Variants in FCHSD2 observed in about 807,000 individuals in gnomAD.
The protein encoded by FCHSD2 is F-BAR and double SH3 domains protein 2.
In FCHSD2, 38 loss-of-function variants were observed where a neutral mutation model predicts 108.1. The observed-to-expected ratio is 0.35, with a 90% CI of 0.27 to 0.46. FCHSD2 has a LOEUF of 0.46. Among genes scored for constraint, FCHSD2 ranks in the 20% least tolerant of loss-of-function variants. The probability of loss-of-function intolerance (pLI) is 1.00; values close to 1 mark genes in which losing one functional copy is unlikely to be tolerated. For synonymous variants in FCHSD2, 279 were observed against 314.7 expected (o/e 0.89, Z 1.20); for missense variants, 751 against 897.8 (o/e 0.84, Z 2.09).
At chr11:73,054,402 T>C (rs981152382) in intron 3 of FCHSD2, among the ~76,000 whole-genome samples, 2 of 152,026 alleles carry the variant, frequency 1.3e-5, no homozygotes, top group Non-Finnish European at 2.9e-5. Flanking sequence ...GAAATTTAAA[T>C]ACCATTTAGG....
chr11:72,899,735 T>TTAA (rs376398152), intron 10 of FCHSD2, among the ~76,000 whole-genome samples: 2 of 72,736 alleles, frequency 2.7e-5, no homozygotes, highest in African/African-American at 1.2e-4. Flanking sequence ...GACCCTATCT[T>TTAA]AAAAAAAAAA....
intron 5 of FCHSD2, among the ~76,000 whole-genome samples, chr11:73,000,165 G>A (rs1422595542): frequency 2.6e-5 from 4 of 152,130 alleles, no homozygotes; most frequent in Admixed American, 6.5e-5. Flanking sequence ...AAAGGTGTTT[G>A]TAAAAATGTT....
At chr11:73,068,189 A>G (rs926834850) in intron 3 of FCHSD2, among the ~76,000 whole-genome samples, 2 of 152,092 alleles carry the variant, frequency 1.3e-5, no homozygotes, top group Admixed American at 6.6e-5. Context: ...CAGGCAAACC[A>G]TATCAGTACC....
intron 2 of FCHSD2, among the ~76,000 whole-genome samples, chr11:73,106,420 A>AG (rs1860346172): frequency 6.6e-6 from 1 of 151,830 alleles, no homozygotes; most frequent in African/African-American, 2.4e-5. Flanking sequence ...AAAAAAAAAA[A>AG]AAGAAAAAGA....
At chr11:72,873,244 G>A (rs1391756726) in intron 12 of FCHSD2, among the ~76,000 whole-genome samples, 6 of 151,864 alleles carry the variant, frequency 4.0e-5, no homozygotes, top group South Asian at 2.1e-4. Context: ...CAGGAGAATC[G>A]CTTGAACCTG....
In FCHSD2 at chr11:72,996,151, T is replaced by C. The variant is rs186792195; in HGVS notation, c.387+4839A>G. Among the ~76,000 whole-genome samples, 11 of 152,360 alleles carry C rather than the reference T, an allele frequency of 7.2e-5. No homozygotes were observed. In the East Asian group the frequency reaches 2.1e-3, roughly 29 times the overall value. On this transcript the variant is annotated intron_variant, in intron 5 of 19. Coordinates refer to ENST00000409418, the MANE Select transcript of FCHSD2 (RefSeq NM_014824.3). ...GTATTTTTCTATAAACCTGTTTCAA[T>C]ATTAAGCTTTGTTTTAAAAGCATTG... is the stretch of plus-strand genomic sequence containing the variant.
intron 3 of FCHSD2, among the ~76,000 whole-genome samples, chr11:73,081,113 A>G (rs566001330): frequency 2.0e-5 from 3 of 152,348 alleles, no homozygotes; most frequent in African/African-American, 7.2e-5. Context: ...TACATTTTAA[A>G]TAATAAACAT....
At position 73,043,345 on chromosome 11, in the gene FCHSD2, A is replaced by T. The variant is rs187960053; in HGVS notation, c.166-27460T>A. On this transcript the variant is annotated intron_variant, in intron 3 of 19. Transcript: ENST00000409418. ...GAAGATAAATATTATCAGTTTCCAT[A>T]AGCAAGTATTTATCATCCTATCCAC... Among the ~76,000 whole-genome samples, 802 of 152,310 alleles carry T rather than the reference A, an allele frequency of 5.3e-3. 6 individuals carry two copies. Among genetic ancestry groups the T allele is most frequent in the Non-Finnish European group, 7.5e-3 (510 of 68,022 alleles).
intron 8 of FCHSD2, among the ~76,000 whole-genome samples, chr11:72,949,261 C>A (rs1856578227): frequency 6.6e-6 from 1 of 151,930 alleles, no homozygotes; most frequent in African/African-American, 2.4e-5. Flanking sequence ...GCCAGCCTGA[C>A]CAACATGGTG....
intron 14 of FCHSD2, among the ~76,000 whole-genome samples, chr11:72,847,225 C>T (rs1437570955): frequency 2.0e-5 from 3 of 152,122 alleles, no homozygotes; most frequent in African/African-American, 4.8e-5. Flanking sequence ...CTCAAACTCC[C>T]GGCTTCAAGT....
At chr11:72,867,817 A>C in intron 13 of FCHSD2, 48 bp downstream of exon 13, 1 of 1,556,342 alleles carries the variant, frequency 6.4e-7, no homozygotes, top group Non-Finnish European at 8.8e-7. Flanking sequence ...GAGTCAAAGC[A>C]TGCTTCAGTG....
chr11:73,125,360 G>A (rs944566359), intron 2 of FCHSD2, among the ~76,000 whole-genome samples: 8 of 152,218 alleles, frequency 5.3e-5, no homozygotes, highest in African/African-American at 1.9e-4. Context: ...TTGTAAGGTC[G>A]TATGTGGAAT....
Position 72,843,485 on chromosome 11 carries a change from T to C in FCHSD2, c.1491A>G (p.Glu497=). 1 of 1,613,846 alleles carries C rather than the reference T, an allele frequency of 6.2e-7. No individual in the cohort carries two copies. Among genetic ancestry groups the C allele is most frequent in the Non-Finnish European group, 8.5e-7 (1 of 1,179,732 alleles). ...CTTCCATATCTCCATCTTCAATCAC[T>C]TCTAACACCTCATGTTCCTCAATGG... The part of the protein sequence containing the change: ...ELTIEEHEVL[E]VIEDGDMEDW... Residue 497 remains glutamate, a synonymous_variant, in exon 15 of 20, where the codon GAA becomes GAG. Coordinates refer to ENST00000409418, the MANE Select transcript of FCHSD2 (RefSeq NM_014824.3).
chr11:72,877,614 T>A (rs1171712847), intron 12 of FCHSD2, among the ~76,000 whole-genome samples: 2 of 152,202 alleles, frequency 1.3e-5, no homozygotes, highest in African/African-American at 2.4e-5. Flanking sequence ...CAAAGAGAAT[T>A]ATAAAGAAAT....
intron 2 of FCHSD2, among the ~76,000 whole-genome samples, chr11:73,123,450 T>A (rs1377428068): frequency 6.6e-6 from 1 of 152,234 alleles, no homozygotes; most frequent in East Asian, 1.9e-4. Context: ...TGGCTTTTTA[T>A]ATATGCGCAG....
intron 8 of FCHSD2, among the ~76,000 whole-genome samples, chr11:72,954,199 T>TAA (rs1565339648): frequency 9.6e-5 from 11 of 114,178 alleles, no homozygotes; most frequent in African/African-American, 3.9e-4. Context: ...TGTGGGGATT[T>TAA]TTTTTTTTTT....
intron 12 of FCHSD2, among the ~76,000 whole-genome samples, chr11:72,868,703 A>C (rs1433200806): frequency 6.6e-6 from 1 of 151,944 alleles, no homozygotes; most frequent in African/African-American, 2.4e-5. Flanking sequence ...ACAAACAAAC[A>C]AACAAACAAA....
chr11:73,036,711 C>T (rs1165911828), intron 3 of FCHSD2, among the ~76,000 whole-genome samples: 6 of 152,086 alleles, frequency 3.9e-5, no homozygotes, highest in Non-Finnish European at 8.8e-5. Flanking sequence ...TTTATTCATC[C>T]GTGTAACAAA....
chr11:72,945,039 G>GA (rs1856492011), intron 8 of FCHSD2, among the ~76,000 whole-genome samples: 1 of 152,088 alleles, frequency 6.6e-6, no homozygotes, highest in Non-Finnish European at 1.5e-5. Context: ...CACAGAATTG[G>GA]AAAAAACTAC....
Sources: allele counts gnomAD v4.1 joint callset (sites outside exome capture counted in the v4.1 genomes callset), GRCh38; gene constraint gnomAD v4.1.1; transcripts MANE v1.5; gene names NCBI Gene and HGNC (gene_info 2026-07-23, HGNC 2026-07-21).